Variants in PARD3B observed in about 807,000 individuals in gnomAD.
PARD3B encodes the protein partitioning defective 3 homolog B.
PARD3B carries 103 observed loss-of-function variants against 130.2 expected under a neutral mutation model. The observed-to-expected ratio is 0.79, with a 90% confidence interval of 0.67 to 0.93. PARD3B has a LOEUF of 0.93. PARD3B is among the 40% of genes least tolerant of loss of function. The pLI is 0.00. For synonymous variants in PARD3B, 583 were observed against 553.2 expected (o/e 1.05, Z -0.76); for missense variants, 1,609 against 1,499.2 (o/e 1.07, Z -1.21).
At chr2:205,399,838 T>C (rs571654223) in intron 18 of PARD3B, among the ~76,000 whole-genome samples, 2 of 152,198 alleles carry the variant, frequency 1.3e-5, no homozygotes, top group Admixed American at 6.5e-5. Context: ...AATTGTATTA[T>C]ATTTTCATTG....
In PARD3B at chr2:205,472,667, C is replaced by A. The variant is rs534909915; in HGVS notation, c.3045-27229C>A. 1.4e-4 allele frequency among the ~76,000 whole-genome samples: 22 copies of A among 152,168 alleles called. No homozygotes were observed. The South Asian group carries it at 3.5e-3, about 24-fold the overall frequency. Reference sequence around the variant, plus strand: ...ATGCTCAATTCCCAGAAACAGAAGCCAAATAGGGTAAAACAAGATGCCCAG... The same window carrying A: ...ATGCTCAATTCCCAGAAACAGAAGCAAAATAGGGTAAAACAAGATGCCCAG... On this transcript the variant is annotated intron_variant, in intron 20 of 22. Coordinates refer to ENST00000406610, the MANE Select transcript of PARD3B (RefSeq NM_001302769.2).
intron 18 of PARD3B, among the ~76,000 whole-genome samples, chr2:205,344,397 G>A (rs950025643): frequency 2.0e-5 from 3 of 152,104 alleles, no homozygotes; most frequent in Admixed American, 1.3e-4. Flanking sequence ...ATACTGGAGG[G>A]AGAGGGATGA....
At chr2:204,989,937 T>C (rs1158489303) in intron 3 of PARD3B, among the ~76,000 whole-genome samples, 1 of 152,136 alleles carries the variant, frequency 6.6e-6, no homozygotes, top group Non-Finnish European at 1.5e-5. Context: ...TAGGTAAATA[T>C]ACTTAGAATG....
intron 2 of PARD3B, among the ~76,000 whole-genome samples, chr2:204,686,527 T>C (rs766093726): frequency 6.6e-6 from 1 of 152,202 alleles, no homozygotes; most frequent in Non-Finnish European, 1.5e-5. Context: ...GTTTCTGATA[T>C]GTCTTAATAA....
At chr2:205,262,091 T>G (rs915507350) in intron 16 of PARD3B, among the ~76,000 whole-genome samples, 1 of 152,138 alleles carries the variant, frequency 6.6e-6, no homozygotes, top group Admixed American at 6.5e-5. Flanking sequence ...TCCTGATACT[T>G]TCATGGAATT....
At chr2:204,690,826 A>C (rs185228040) in intron 2 of PARD3B, among the ~76,000 whole-genome samples, 1 of 152,136 alleles carries the variant, frequency 6.6e-6, no homozygotes, top group South Asian at 2.1e-4. Context: ...CTCAAATTTC[A>C]TATTGACTGG....
intron 22 of PARD3B, among the ~76,000 whole-genome samples, chr2:205,598,894 A>G (rs780698107): frequency 5.3e-5 from 8 of 152,244 alleles, no homozygotes; most frequent in Non-Finnish European, 8.8e-5. Context: ...TTAAGGCAGA[A>G]ATCAAAAAAT....
intron 22 of PARD3B, among the ~76,000 whole-genome samples, chr2:205,608,255 T>C (rs1350374127): frequency 6.6e-6 from 1 of 152,010 alleles, no homozygotes; most frequent in Admixed American, 6.5e-5. Context: ...GTTGAACCTG[T>C]TAGCCCCCAA....
At chr2:204,920,605 G>C (rs1273227760) in intron 2 of PARD3B, among the ~76,000 whole-genome samples, 1 of 152,118 alleles carries the variant, frequency 6.6e-6, no homozygotes, top group Non-Finnish European at 1.5e-5. Flanking sequence ...GTAAGGCCAA[G>C]CATTCAATTT....
chr2:204,844,168 C>T (rs1270177728), intron 2 of PARD3B, among the ~76,000 whole-genome samples: 4 of 152,038 alleles, frequency 2.6e-5, no homozygotes, highest in African/African-American at 9.7e-5. Flanking sequence ...TAAATGTGTG[C>T]ACTTATGTTT....
intron 2 of PARD3B, among the ~76,000 whole-genome samples, chr2:204,758,814 ATTTCTTCCAG>A (rs1186915062): frequency 1.3e-5 from 2 of 152,084 alleles, no homozygotes; most frequent in African/African-American, 4.8e-5. Context: ...CGTGGTTATG[ATTTCTTCCAG>A]TGAGATACCA....
intron 2 of PARD3B, among the ~76,000 whole-genome samples, chr2:204,861,320 G>A (rs1384799036): frequency 1.3e-5 from 2 of 151,416 alleles, no homozygotes; most frequent in Non-Finnish European, 2.9e-5. Flanking sequence ...ATATAACTTG[G>A]TTTTTCTAAA....
intron 2 of PARD3B, among the ~76,000 whole-genome samples, chr2:204,699,526 C>A (rs77153432): frequency 6.6e-6 from 1 of 151,648 alleles, no homozygotes; most frequent in Non-Finnish European, 1.5e-5. Flanking sequence ...GTGAGATTCC[C>A]GGAGGATTTG....
chr2:205,393,098 C>T (rs1055693931), intron 18 of PARD3B, among the ~76,000 whole-genome samples: 5 of 152,038 alleles, frequency 3.3e-5, no homozygotes, highest in African/African-American at 7.2e-5. Context: ...GCAAAAGCTG[C>T]GGTTCACAAA....
intron 1 of PARD3B, among the ~76,000 whole-genome samples, chr2:204,666,074 A>C (rs10180863): frequency 0.014 from 2,081 of 152,304 alleles, 44 homozygotes; most frequent in African/African-American, 0.048. Flanking sequence ...AATGGACTTG[A>C]CTGCCTGTGG....
chr2:204,774,524 T>C (rs1242567783), intron 2 of PARD3B, among the ~76,000 whole-genome samples: 2 of 152,112 alleles, frequency 1.3e-5, no homozygotes, highest in Non-Finnish European at 2.9e-5. Context: ...TTCTGATTGC[T>C]CATGTATTGT....
At position 205,309,735 on chromosome 2, in the gene PARD3B, C is replaced by T. The variant is rs11690439; in HGVS notation, c.2630+8034C>T. On this transcript the variant is annotated intron_variant, in intron 18 of 22. Coordinates refer to ENST00000406610, the MANE Select transcript of PARD3B (RefSeq NM_001302769.2). The surrounding 1 kb of genome is among the most constrained non-coding windows in gnomAD (Gnocchi z 4.7). Reference sequence around the variant, plus strand: ...AAAAATCTATCCCTTACAAGCTCTGCGGCCTTCACGAGTCCCTTTGAGTTT... The same window carrying T: ...AAAAATCTATCCCTTACAAGCTCTGTGGCCTTCACGAGTCCCTTTGAGTTT... 0.57 allele frequency among the ~76,000 whole-genome samples: 86,363 copies of T among 151,918 alleles called. 27,710 individuals are homozygous for T. The highest frequency in any genetic ancestry group is 0.75 in the South Asian group (3,633 of 4,816).
intron 2 of PARD3B, among the ~76,000 whole-genome samples, chr2:204,801,074 T>C (rs567121451): frequency 1.3e-5 from 2 of 152,282 alleles, no homozygotes; most frequent in South Asian, 2.1e-4. Flanking sequence ...GGTCTACATA[T>C]CTGTTTTGGT....
chr2:204,805,620 A>G (rs959336639), intron 2 of PARD3B, among the ~76,000 whole-genome samples: 1 of 152,128 alleles, frequency 6.6e-6, no homozygotes, highest in African/African-American at 2.4e-5. Flanking sequence ...AAAGAAAGCT[A>G]CAGGCCAATA....
Sources: allele counts gnomAD v4.1 joint callset (sites outside exome capture counted in the v4.1 genomes callset), GRCh38; gene constraint gnomAD v4.1.1; non-coding constraint Gnocchi (gnomAD v3.1); transcripts MANE v1.5; gene names NCBI Gene and HGNC (gene_info 2026-07-23, HGNC 2026-07-21).